Variants in SELP observed in about 807,000 individuals in gnomAD.
The protein encoded by SELP is P-selectin.
SELP carries 92 observed loss-of-function variants against 104.1 expected under a neutral mutation model. The ratio of observed to expected loss-of-function variants is 0.88; its 90% CI spans 0.75 to 1.05. The LOEUF is 1.05. Ranked by LOEUF, SELP falls within the 50% of genes least tolerant of loss-of-function variation. SELP has a pLI of 0.00. For synonymous variants in SELP, 397 were observed against 364.5 expected (o/e 1.09, Z -1.01); for missense variants, 1,022 against 1,017.3 (o/e 1.00, Z -0.06).
Position 169,593,596 on chromosome 1 carries a change from C to T in SELP, c.2407+9G>A. ...CCAAGATGCAAAGAGAAGACTCTTTCCTATTTACCTTTTTGTCTGAAACGC... is the reference window on the plus strand; with the variant it reads ...CCAAGATGCAAAGAGAAGACTCTTTTCTATTTACCTTTTTGTCTGAAACGC... On this transcript the variant is annotated intron_variant, in intron 14 of 16. Coordinates refer to ENST00000263686, the MANE Select transcript of SELP (RefSeq NM_003005.4). 2 of 1,610,574 alleles carry T rather than the reference C, an allele frequency of 1.2e-6. No individual in the cohort carries two copies. Among genetic ancestry groups the T allele is most frequent in the South Asian group, 1.1e-5 (1 of 90,814 alleles).
chr1:169,613,776 T>C (rs1419318194), intron 3 of SELP, 83 bp from the exon 4 acceptor site: 1 of 1,135,426 alleles, frequency 8.8e-7, no homozygotes. Context: ...CACAGACTCA[T>C]CCCCTCTCAG....
intron 10 of SELP, among the ~76,000 whole-genome samples, chr1:169,598,525 G>T (rs769074181): frequency 3.3e-5 from 5 of 152,160 alleles, no homozygotes; most frequent in Non-Finnish European, 7.3e-5. Flanking sequence ...GTGAATTTCA[G>T]TTCAGTACTC....
chr1:169,610,732 T>C (rs967934931), intron 7 of SELP, among the ~76,000 whole-genome samples: 1 of 152,112 alleles, frequency 6.6e-6, no homozygotes, highest in Non-Finnish European at 1.5e-5. Flanking sequence ...TGAGCTGAGA[T>C]CGTGCCACTG....
At chr1:169,629,792 A>T (rs995024301) in intron 1 of SELP, among the ~76,000 whole-genome samples, 4 of 152,216 alleles carry the variant, frequency 2.6e-5, no homozygotes, top group African/African-American at 9.6e-5. Context: ...AGATCCCAAC[A>T]TCATGTAGCC....
rs763070017 is a variant in SELP, at chr1:169,613,025, T to A, written c.679A>T (p.Ser227Cys). The A allele has an allele frequency of 1.2e-6, 2 of 1,613,948 alleles. No homozygotes were observed. The highest frequency in any genetic ancestry group is 2.2e-5 in the South Asian group (2 of 91,066). ...LGNFSFNSQC[S>C]FHCTDGYQVN... The stretch of plus-strand genomic sequence containing the variant: ...TGGTACCCGTCAGTGCAGTGGAAGC[T>A]GCACTGCGAGTTAAAAGAGAAGTTT... Residue 227 changes from serine (S) to cysteine (C), a missense_variant, in exon 5 of 17, where the codon AGC becomes TGC. Physicochemically the swap from Ser to Cys is moderately radical, Grantham distance 112. Transcript: ENST00000263686.
chr1:169,613,697 C>A lies in SELP; in HGVS notation c.482-4G>T. On this transcript the variant is annotated splice_region_variant and splice_polypyrimidine_tract_variant and intron_variant, in intron 3 of 16. Coordinates refer to ENST00000263686, the MANE Select transcript of SELP (RefSeq NM_003005.4). ...CAGGACATGTCCTGGCAGGAGGCTG[C>A]ATAGATATGGAAAGGTCAGAGTCAT... is the stretch of plus-strand genomic sequence containing the variant. The A allele has an allele frequency of 6.2e-7, 1 of 1,612,880 alleles. No homozygotes were observed. Among genetic ancestry groups the A allele is most frequent in the Non-Finnish European group, 8.5e-7 (1 of 1,178,956 alleles).
intron 1 of SELP, among the ~76,000 whole-genome samples, chr1:169,626,426 C>A (rs1381752382): frequency 2.6e-5 from 4 of 152,250 alleles, no homozygotes; most frequent in African/African-American, 4.8e-5. Flanking sequence ...CTAAAAAATA[C>A]AAAAATTAGC....
chr1:169,599,750 T>G (rs1043167582), intron 10 of SELP, among the ~76,000 whole-genome samples: 10 of 151,992 alleles, frequency 6.6e-5, no homozygotes, highest in African/African-American at 2.4e-4. Flanking sequence ...GTTGGGGGAA[T>G]GAAGAAAAAA....
chr1:169,617,143 A>T lies in SELP; in HGVS notation c.366T>A (p.Pro122=), dbSNP rs748717704. 6.2e-7 allele frequency: 1 copy of T among 1,614,012 alleles called. No homozygotes were observed. Among genetic ancestry groups the T allele is most frequent in the Non-Finnish European group, 8.5e-7 (1 of 1,179,988 alleles). The change falls in exon 3 of 17, where the codon CCT becomes CCA. Residue 122 remains proline (P), a synonymous_variant. Coordinates refer to ENST00000263686, the MANE Select transcript of SELP (RefSeq NM_003005.4). ...NEAENWADNE[P]NNKRNNEDCV... is the part of the protein sequence containing the mutation. ...AGTCCTCGTTGTTCCTTTTGTTGTT[A>T]GGTTCATTATCAGCCCAGTTCTCAG...
rs997959552 is a variant in SELP at position 169,589,236 on chromosome 1, A to G, written c.*227T>C. On this transcript the variant is annotated 3_prime_UTR_variant, in exon 17 of 17. Transcript: ENST00000263686. ...TCACTGGTATTTCAAGTAACAGGTG[A>G]GTCAAAGCACAGAGACTACTGCAGA... 2 of 152,210 alleles carry G rather than the reference A, an allele frequency of 1.3e-5. No homozygotes were observed. The highest frequency in any genetic ancestry group is 4.8e-5 in the African/African-American group (2 of 41,448). The allele number at this position is 152,210 out of a possible 1,614,324, so 9.4% of individuals were successfully genotyped here. A position where few individuals can be genotyped will look rare whatever the true frequency, so the allele number is the denominator to read the frequency against.
chr1:169,599,701 T>C lies in SELP; in HGVS notation c.1706-2525A>G, dbSNP rs149516190. Among the ~76,000 whole-genome samples the C allele has an allele frequency of 4.1e-3, 627 of 152,254 alleles. 3 individuals carry two copies. Among genetic ancestry groups the C allele is most frequent in the African/African-American group, 0.014 (596 of 41,534 alleles). ...AGTTGAATATTGTAAACTCAAACTT[T>C]AGGAATAAAACTAGGAAGCCCCACA... is the stretch of plus-strand genomic sequence containing the variant. On this transcript the variant is annotated intron_variant, in intron 10 of 16. Transcript: ENST00000263686.
chr1:169,611,568 G>A lies in SELP; in HGVS notation c.1071C>T (p.Gly357=). The stretch of plus-strand genomic sequence containing the variant: ...GCATGTCCAAGCCCCTCACTCTGTA[G>A]CCGGGCTGGCACTCAAATTTACAGC... The part of the protein sequence containing the change: ...GSSCKFECQP[G]YRVRGLDMLR... Residue 357 remains glycine (G), a synonymous_variant, in exon 7 of 17, where the codon GGC becomes GGT. Coordinates refer to ENST00000263686, the MANE Select transcript of SELP (RefSeq NM_003005.4). 1.2e-6 allele frequency: 2 copies of A among 1,614,134 alleles called. No homozygotes were observed. Among genetic ancestry groups the A allele is most frequent in the Non-Finnish European group, 1.7e-6 (2 of 1,180,010 alleles).
Position 169,593,709 on chromosome 1 carries a change from A to G in SELP, c.2303T>C (p.Ile768Thr), listed in dbSNP as rs1414681025. 1 of 1,613,546 alleles carries G rather than the reference A, an allele frequency of 6.2e-7. No homozygotes were observed. Among genetic ancestry groups the G allele is most frequent in the Non-Finnish European group, 8.5e-7 (1 of 1,179,588 alleles). Residue 768 changes from isoleucine (I) to threonine (T), a missense_variant, in exon 14 of 17, where the codon ATC (isoleucine) becomes ACC (threonine). Ile to Thr is a moderately conservative substitution (Grantham distance 89, BLOSUM62 -1). Coordinates refer to ENST00000263686, the MANE Select transcript of SELP (RefSeq NM_003005.4). ...VPTCQAGPLT[I>T]QEALTYFGGA... ...ACCAAAGTAAGTCAGGGCTTCCTGG[A>G]TAGTCAATGGTCCTGCTACAAAACA...
At position 169,597,523 on chromosome 1, in the gene SELP, T is replaced by C. The variant is rs74555853; in HGVS notation, c.1706-347A>G. On this transcript the variant is annotated intron_variant, in intron 10 of 16. Coordinates refer to ENST00000263686, the MANE Select transcript of SELP (RefSeq NM_003005.4). Reference sequence around the variant, plus strand: ...CGCAGCTCCCTCTATCTTACTTGAATGGGTGCAATCCAGGATTTCATTTCC... The same window carrying C: ...CGCAGCTCCCTCTATCTTACTTGAACGGGTGCAATCCAGGATTTCATTTCC... Among the ~76,000 whole-genome samples the C allele has an allele frequency of 9.5e-3, 1,445 of 152,306 alleles. 23 individuals are homozygous for C. Among genetic ancestry groups the C allele is most frequent in the African/African-American group, 0.033 (1,371 of 41,556 alleles).
chr1:169,603,725 C>T (rs576416345), intron 9 of SELP, among the ~76,000 whole-genome samples: 1 of 152,296 alleles, frequency 6.6e-6, no homozygotes, highest in South Asian at 2.1e-4. Context: ...CAAATTTTGG[C>T]TCTGTTACTT....
intron 7 of SELP, among the ~76,000 whole-genome samples, 186 bp from the exon 8 acceptor site, chr1:169,609,875 C>G (rs1370393096): frequency 6.6e-6 from 1 of 152,132 alleles, no homozygotes; most frequent in Non-Finnish European, 1.5e-5. Context: ...CTGACTCACT[C>G]TCACCTGCCC....
At chr1:169,605,515 T>G (rs891342282) in intron 9 of SELP, among the ~76,000 whole-genome samples, 1 of 152,082 alleles carries the variant, frequency 6.6e-6, no homozygotes, top group Non-Finnish European at 1.5e-5. Flanking sequence ...TATGTGATTA[T>G]GCTTTTGTGT....
intron 16 of SELP, 32 bp downstream of exon 16, chr1:169,590,115 T>C (rs2101855262): frequency 6.7e-7 from 1 of 1,502,974 alleles, no homozygotes; most frequent in Non-Finnish European, 9.3e-7. Context: ...AGTGTTCTAT[T>C]TCCTTCAAAA....
At chr1:169,606,856 G>A in intron 9 of SELP, 93 bp downstream of exon 9, 1 of 1,138,546 alleles carries the variant, frequency 8.8e-7, no homozygotes, top group Non-Finnish European at 1.3e-6. Context: ...CCATTTCAAG[G>A]TGGATCTTAC....
Sources: gnomAD v4.1 joint callset for allele counts (sites outside exome capture counted in the v4.1 genomes callset) on GRCh38, gnomAD v4.1.1 for gene constraint, MANE v1.5 for transcripts, NCBI Gene and HGNC (gene_info 2026-07-23, HGNC 2026-07-21) for gene names.